The following SLC9A4 variants were observed in gnomAD, a reference collection of about 807,000 sequenced individuals.
The protein encoded by SLC9A4 is solute carrier family 9 member A4.
SLC9A4 carries 63 observed loss-of-function variants against 67.4 expected under a neutral mutation model. The observed-to-expected ratio is 0.93, with a 90% CI of 0.76 to 1.15. The LOEUF is 1.15. SLC9A4 is among the 50% of genes most tolerant of loss of function. The pLI is 0.00. For synonymous variants in SLC9A4, 393 were observed against 367.2 expected (o/e 1.07, Z -0.80); for missense variants, 1,089 against 987.7 (o/e 1.10, Z -1.38).
chr2:102,483,841 T>TATATATATATATATATAC (rs370126753), intron 2 of SLC9A4, among the ~76,000 whole-genome samples: 1 of 126,782 alleles, frequency 7.9e-6, no homozygotes, highest in Non-Finnish European at 1.6e-5. Flanking sequence ...TATATATATA[T>TATATATATATATATATAC]ACACACACAC....
chr2:102,505,481 G>C lies in SLC9A4; in HGVS notation c.1198+10G>C, dbSNP rs754454946. 32 of 1,612,448 alleles carry C rather than the reference G, an allele frequency of 2.0e-5. No individual in the cohort carries two copies. Among genetic ancestry groups the C allele is most frequent in the Admixed American group, 3.3e-5 (2 of 60,034 alleles). Reference sequence around the variant, plus strand: ...ATCTGGAGAGCCATCAGTAAGAGACGGCAGGGCTCCAGAGTCTCCGGTCCT... The same window carrying C: ...ATCTGGAGAGCCATCAGTAAGAGACCGCAGGGCTCCAGAGTCTCCGGTCCT... On this transcript the variant is annotated intron_variant, in intron 4 of 11. Coordinates refer to ENST00000295269, the MANE Select transcript of SLC9A4 (RefSeq NM_001011552.4).
chr2:102,523,650 T>C (rs921640571), intron 9 of SLC9A4, among the ~76,000 whole-genome samples: 2 of 152,304 alleles, frequency 1.3e-5, no homozygotes, highest in African/African-American at 4.8e-5. Context: ...GCACATGACC[T>C]GGAAAATGGA....
At chr2:102,510,290 T>C (rs13009994) in intron 6 of SLC9A4, among the ~76,000 whole-genome samples, 3 of 104,202 alleles carry the variant, frequency 2.9e-5, no homozygotes, top group African/African-American at 7.6e-5. Flanking sequence ...GATATAGATA[T>C]AGATATAGAT....
intron 11 of SLC9A4, among the ~76,000 whole-genome samples, chr2:102,526,749 T>G (rs1674674916): frequency 6.6e-6 from 1 of 152,148 alleles, no homozygotes; most frequent in Non-Finnish European, 1.5e-5. Flanking sequence ...ATGAGCAGAG[T>G]TCTCCAAAGC....
intron 2 of SLC9A4, among the ~76,000 whole-genome samples, chr2:102,497,221 C>T (rs770264906): frequency 6.6e-6 from 1 of 152,226 alleles, no homozygotes; most frequent in African/African-American, 2.4e-5. Context: ...GCATGAGCCA[C>T]CGTGCCTGGC....
At chr2:102,526,225 T>G in intron 10 of SLC9A4, 34 bp from the exon 11 acceptor site, 3 of 1,602,118 alleles carry the variant, frequency 1.9e-6, no homozygotes, top group Non-Finnish European at 2.6e-6. Flanking sequence ...TGAGACAGCT[T>G]ATTCTGCTTT....
chr2:102,484,427 C>T (rs1684541963), intron 2 of SLC9A4, among the ~76,000 whole-genome samples: 1 of 152,172 alleles, frequency 6.6e-6, no homozygotes, highest in African/African-American at 2.4e-5. Context: ...CCTGTTGTGC[C>T]TCCTCTTGCT....
chr2:102,520,480 A>G (rs1685381807), intron 9 of SLC9A4, among the ~76,000 whole-genome samples: 1 of 152,246 alleles, frequency 6.6e-6, no homozygotes, highest in African/African-American at 2.4e-5. Context: ...CCTGGTCCAA[A>G]GTGCATACTA....
intron 2 of SLC9A4, among the ~76,000 whole-genome samples, chr2:102,484,987 A>G (rs1684555761): frequency 1.3e-5 from 2 of 152,054 alleles, no homozygotes; most frequent in Non-Finnish European, 2.9e-5. Flanking sequence ...AAATGTTCTG[A>G]GCACTGGGCC....
chr2:102,520,462 C>T (rs2104445435), intron 9 of SLC9A4, among the ~76,000 whole-genome samples: 1 of 152,294 alleles, frequency 6.6e-6, no homozygotes, highest in Non-Finnish European at 1.5e-5. Flanking sequence ...CTCTACTAGT[C>T]CTTGGGACCT....
At chr2:102,518,246 A>T (rs1212099740) in intron 8 of SLC9A4, among the ~76,000 whole-genome samples, 1 of 152,208 alleles carries the variant, frequency 6.6e-6, no homozygotes, top group Admixed American at 6.5e-5. Flanking sequence ...CTACTGCTAT[A>T]TCAAGTGTAA....
At position 102,504,016 on chromosome 2, in the gene SLC9A4, T is replaced by C. The variant is rs529614866; in HGVS notation, c.980+309T>C. On this transcript the variant is annotated intron_variant, in intron 3 of 11. Coordinates refer to ENST00000295269, the MANE Select transcript of SLC9A4 (RefSeq NM_001011552.4). ...CTGGGGAAACTTCAAGGTTAAGTTC[T>C]CATCTCAGTAGTGTGTTTTTTTCCT... Among the ~76,000 whole-genome samples the C allele has an allele frequency of 2.0e-5, 3 of 152,328 alleles. No homozygotes were observed. In the South Asian group the frequency reaches 6.2e-4, roughly 32 times the overall value.
rs1293491982 is a variant in SLC9A4, at chr2:102,533,724, A to G, written c.*1036A>G. ...TGATCTCATTGTTCAATTCCCACCTATGAGTGAGAATATGCGGTGTTTGGT... is the reference window on the plus strand; with the variant it reads ...TGATCTCATTGTTCAATTCCCACCTGTGAGTGAGAATATGCGGTGTTTGGT... On this transcript the variant is annotated 3_prime_UTR_variant, in exon 12 of 12. Coordinates refer to ENST00000295269, the MANE Select transcript of SLC9A4 (RefSeq NM_001011552.4). 1 of 140,998 alleles carries G rather than the reference A, an allele frequency of 7.1e-6. No homozygotes were observed. The highest frequency in any genetic ancestry group is 1.5e-5 in the Non-Finnish European group (1 of 66,100). The allele number at this position is 140,998 out of a possible 1,614,324, so 8.7% of individuals were successfully genotyped here. A position where few individuals can be genotyped will look rare whatever the true frequency, so the allele number is the denominator to read the frequency against.
At position 102,511,663 on chromosome 2, in the gene SLC9A4, G is replaced by A. The variant is rs182097378; in HGVS notation, c.1489-540G>A. Reference sequence around the variant, plus strand: ...AACAAATGCAATATAATTTGCTTAAGTGGTCATATGTAATTACTCAGATCA... The same window carrying A: ...AACAAATGCAATATAATTTGCTTAAATGGTCATATGTAATTACTCAGATCA... On this transcript the variant is annotated intron_variant, in intron 6 of 11. Coordinates refer to ENST00000295269, the MANE Select transcript of SLC9A4 (RefSeq NM_001011552.4). Among the ~76,000 whole-genome samples the A allele has an allele frequency of 2.7e-3, 416 of 152,002 alleles. 2 individuals are homozygous for A. The highest frequency in any genetic ancestry group is 1.0e-2 in the African/African-American group (413 of 41,506).
At chr2:102,517,404 A>G (rs1013490904) in intron 8 of SLC9A4, among the ~76,000 whole-genome samples, 1 of 152,230 alleles carries the variant, frequency 6.6e-6, no homozygotes, top group Admixed American at 6.5e-5. Flanking sequence ...ATGTTATAGT[A>G]GAATTGAAGC....
intron 9 of SLC9A4, among the ~76,000 whole-genome samples, chr2:102,521,292 A>G (rs559961210): frequency 6.6e-6 from 1 of 152,320 alleles, no homozygotes; most frequent in African/African-American, 2.4e-5. Context: ...CCTTGGATGC[A>G]GTTTCCAAGA....
intron 1 of SLC9A4, among the ~76,000 whole-genome samples, chr2:102,477,227 C>A (rs1252086953): frequency 6.6e-6 from 1 of 152,220 alleles, no homozygotes; most frequent in African/African-American, 2.4e-5. Context: ...GTTGCTCCAG[C>A]CAGGTGGATC....
chr2:102,513,504 C>T (rs998303827), intron 7 of SLC9A4, among the ~76,000 whole-genome samples: 3 of 152,198 alleles, frequency 2.0e-5, no homozygotes, highest in African/African-American at 7.2e-5. Flanking sequence ...CAATAGTCAG[C>T]GGCCATCAGT....
At chr2:102,482,217 T>A (rs2140316) in intron 2 of SLC9A4, among the ~76,000 whole-genome samples, 93,281 of 152,008 alleles carry the variant, frequency 0.61, 29,080 homozygotes, top group Middle Eastern at 0.69. Flanking sequence ...CAAGTGTTTC[T>A]GCATCACACT....
Sources: allele counts gnomAD v4.1 joint callset (sites outside exome capture counted in the v4.1 genomes callset), GRCh38; gene constraint gnomAD v4.1.1; transcripts MANE v1.5; gene names NCBI Gene and HGNC (gene_info 2026-07-23, HGNC 2026-07-21).